The following ANO4 variants were observed in gnomAD, a reference collection of about 807,000 sequenced individuals.
ANO4 encodes anoctamin 4.
ANO4 carries 69 observed loss-of-function variants against 141.9 expected under a neutral mutation model. The ratio of observed to expected loss-of-function variants is 0.49; its 90% CI spans 0.40 to 0.59. ANO4 has a LOEUF of 0.59. ANO4 is among the 20% of genes least tolerant of loss of function. The pLI is 0.00. For missense variants in ANO4, 894 were observed against 1,162.2 expected, an observed-to-expected ratio of 0.77 and a Z score of 3.36; for synonymous variants, 350 against 394.3, an observed-to-expected ratio of 0.89 and a Z score of 1.33.
chr12:101,080,068 G>C (rs374447822), intron 15 of ANO4, among the ~76,000 whole-genome samples: 2 of 152,172 alleles, frequency 1.3e-5, no homozygotes, highest in East Asian at 3.8e-4. Context: ...CATTTCCTCA[G>C]AGCCTTGCTG....
chr12:100,964,748 A>G (rs1367998312), intron 5 of ANO4, among the ~76,000 whole-genome samples: 1 of 152,168 alleles, frequency 6.6e-6, no homozygotes, highest in Non-Finnish European at 1.5e-5. Context: ...GTAATAGAAC[A>G]GCCTCCCTGA....
chr12:101,051,621 G>A (rs2047875293), intron 14 of ANO4, among the ~76,000 whole-genome samples: 1 of 152,170 alleles, frequency 6.6e-6, no homozygotes, highest in Non-Finnish European at 1.5e-5. Context: ...TGTACTAAAT[G>A]CAGTCCTAAG....
Position 101,110,483 on chromosome 12 carries a change from TG to T in ANO4, c.2230del (p.Glu744LysfsTer17). 1 of 1,612,224 alleles carries T rather than the reference TG, an allele frequency of 6.2e-7. No individual in the cohort carries two copies. The stretch of plus-strand genomic sequence containing the variant: ...TTCTGGCCTTACTGAATAACATAAT[TG>T]AAATTCGACTTGATGCTTACAAATT... ...PLLALLNNIIEIRLDAYKFVT... is the reference protein window; with the variant it reads ...PLLALLNNIIXIRLDAYKFVT... On this transcript the variant is annotated frameshift_variant, in exon 23 of 28. Transcript: ENST00000392977. LOFTEE classifies it high-confidence loss of function.
intron 4 of ANO4, among the ~76,000 whole-genome samples, chr12:100,940,582 T>G (rs1329534609): frequency 6.6e-6 from 1 of 152,190 alleles, no homozygotes; most frequent in African/African-American, 2.4e-5. Flanking sequence ...ATAGTGAGGA[T>G]TGGTCATCAA....
intron 11 of ANO4, 26 bp from the exon 12 acceptor site, chr12:101,042,308 T>G (rs758256222): frequency 6.2e-7 from 1 of 1,613,880 alleles, no homozygotes; most frequent in Non-Finnish European, 8.5e-7. Context: ...GCACTGTAAT[T>G]TGCAAGGCCG....
At chr12:101,121,780 T>A (rs1330155542) in intron 26 of ANO4, among the ~76,000 whole-genome samples, 16 of 107,772 alleles carry the variant, frequency 1.5e-4, no homozygotes, top group Admixed American at 1.0e-3. Context: ...TTTTTTTTTT[T>A]AAGACTGATT....
intron 3 of ANO4, among the ~76,000 whole-genome samples, chr12:100,748,920 G>T (rs1353551077): frequency 6.6e-6 from 1 of 152,110 alleles, no homozygotes; most frequent in Non-Finnish European, 1.5e-5. Flanking sequence ...AAATTTTCCG[G>T]TTTGGTTTAT....
chr12:101,090,167 A>T (rs894577415), intron 17 of ANO4, among the ~76,000 whole-genome samples: 1 of 152,216 alleles, frequency 6.6e-6, no homozygotes, highest in Non-Finnish European at 1.5e-5. Context: ...AAACTAGTTC[A>T]ACCATTGTGG....
intron 2 of ANO4, among the ~76,000 whole-genome samples, chr12:100,737,009 C>A (rs765157571): frequency 6.6e-6 from 1 of 152,174 alleles, no homozygotes; most frequent in Non-Finnish European, 1.5e-5. Context: ...TTTGTCACAG[C>A]AGCCCTAGAA....
At chr12:101,026,871 G>T (rs547761471) in intron 9 of ANO4, among the ~76,000 whole-genome samples, 4 of 152,204 alleles carry the variant, frequency 2.6e-5, no homozygotes, top group African/African-American at 9.6e-5. Context: ...AGAAAAAAAT[G>T]GATAACCTAG....
chr12:100,748,003 C>A (rs556463870), intron 3 of ANO4, among the ~76,000 whole-genome samples: 1 of 152,144 alleles, frequency 6.6e-6, no homozygotes, highest in Admixed American at 6.5e-5. Flanking sequence ...AGGAGTCTAG[C>A]TTTTACCTGT....
In ANO4 at chr12:100,804,382, T is replaced by C. The variant is rs182965384; in HGVS notation, c.-141+9355T>C. ...GGCATTTAGGTTGGTTCCATGTCTT[T>C]GCTATTGTGAACAGTGCTGCAGTGA... On this transcript the variant is annotated intron_variant, in intron 1 of 27. Transcript: ENST00000392977. 3.3e-5 allele frequency among the ~76,000 whole-genome samples: 5 copies of C among 152,334 alleles called. No individual in the cohort carries two copies. The East Asian group carries it at 9.6e-4, about 29-fold the overall frequency.
chr12:101,068,921 A>G, intron 14 of ANO4: 1 of 813,602 alleles, frequency 1.2e-6, no homozygotes, highest in South Asian at 1.3e-5. Flanking sequence ...TACATGCTCA[A>G]CATCGAAGCT....
intron 7 of ANO4, among the ~76,000 whole-genome samples, chr12:100,981,728 T>G (rs569624519): frequency 5.3e-4 from 81 of 152,320 alleles, no homozygotes; most frequent in African/African-American, 1.9e-3. Flanking sequence ...AAATGACCTT[T>G]CTTCTACTTC....
At chr12:100,940,017 T>A (rs2042442615) in intron 4 of ANO4, among the ~76,000 whole-genome samples, 2 of 152,108 alleles carry the variant, frequency 1.3e-5, no homozygotes, top group Admixed American at 1.3e-4. Context: ...TGGGTACAGG[T>A]AATAGGCACA....
At chr12:100,739,030 A>ATAT (rs199533211) in intron 2 of ANO4, among the ~76,000 whole-genome samples, 268 of 42,992 alleles carry the variant, frequency 6.2e-3, no homozygotes, top group African/African-American at 9.1e-3. Context: ...ATATATATAT[A>ATAT]ATCTCTAAAT....
chr12:100,973,400 T>C lies in ANO4; in HGVS notation c.558-1445T>C, dbSNP rs531333786. On this transcript the variant is annotated intron_variant, in intron 6 of 27. Coordinates refer to ENST00000392977, the MANE Select transcript of ANO4 (RefSeq NM_001286615.2). ...AATTTTCTGTAGATTCATAATTTTC[T>C]GTACTTCTGAATCCCAAGTTTAGTC... Among the ~76,000 whole-genome samples, 3 of 152,254 alleles carry C rather than the reference T, an allele frequency of 2.0e-5. No homozygotes were observed. In the South Asian group the frequency reaches 6.2e-4, roughly 31 times the overall value.
rs111514977 is a variant in ANO4, at chr12:100,986,531, G to T, written c.603-1008G>T. Among the ~76,000 whole-genome samples, 405 of 152,244 alleles carry T rather than the reference G, an allele frequency of 2.7e-3. 3 individuals carry two copies. The highest frequency in any genetic ancestry group is 9.3e-3 in the African/African-American group (387 of 41,544). On this transcript the variant is annotated intron_variant, in intron 7 of 27. Transcript: ENST00000392977. ...CAAAATAATGTTTACCAGCTATCTG[G>T]ACATCCCTTAACTTAGCCAAGTTGA...
At chr12:101,024,318 A>G (rs1348101376) in intron 9 of ANO4, among the ~76,000 whole-genome samples, 1 of 152,190 alleles carries the variant, frequency 6.6e-6, no homozygotes, top group African/African-American at 2.4e-5. Flanking sequence ...ATCTGAGGCC[A>G]GGCACGGTGG....
Sources: gnomAD v4.1 joint callset for allele counts (sites outside exome capture counted in the v4.1 genomes callset) on GRCh38, gnomAD v4.1.1 for gene constraint, MANE v1.5 for transcripts, NCBI Gene and HGNC (gene_info 2026-07-23, HGNC 2026-07-21) for gene names.